The following PPP3CA variants were observed in gnomAD, a reference collection of about 807,000 sequenced individuals.
PPP3CA encodes protein phosphatase 3 catalytic subunit alpha.
PPP3CA carries 14 observed loss-of-function variants against 66.5 expected under a neutral mutation model. The observed-to-expected ratio is 0.21, with a 90% CI of 0.14 to 0.33. The LOEUF (loss-of-function observed/expected upper bound fraction) is 0.33, where lower values mean the gene tolerates loss of function less well. Among genes scored for constraint, PPP3CA ranks in the 10% least tolerant of loss-of-function variants. The probability of loss-of-function intolerance (pLI) is 1.00; values close to 1 mark genes in which losing one functional copy is unlikely to be tolerated. For missense variants in PPP3CA, 317 were observed against 639.5 expected, an observed-to-expected ratio of 0.50 and a Z score of 5.44; for synonymous variants, 232 against 226.2, an observed-to-expected ratio of 1.03 and a Z score of -0.23.
intron 8 of PPP3CA, among the ~76,000 whole-genome samples, chr4:101,074,782 A>G (rs1369782653): frequency 6.6e-6 from 1 of 152,206 alleles, no homozygotes; most frequent in African/African-American, 2.4e-5. Context: ...CTAATTTATG[A>G]GTCCAAAACA....
intron 1 of PPP3CA, among the ~76,000 whole-genome samples, chr4:101,322,741 C>T (rs1275722043): frequency 2.6e-5 from 4 of 152,096 alleles, no homozygotes; most frequent in Non-Finnish European, 5.9e-5. Flanking sequence ...AAGATGCAGC[C>T]TTTGCATCCT....
At chr4:101,067,018 G>T (rs926817585) in intron 8 of PPP3CA, among the ~76,000 whole-genome samples, 1 of 152,082 alleles carries the variant, frequency 6.6e-6, no homozygotes, top group South Asian at 2.1e-4. Context: ...ATGACCTCTT[G>T]TCACTTAACA....
chr4:101,263,509 T>C (rs897892537), intron 1 of PPP3CA, among the ~76,000 whole-genome samples: 6 of 152,184 alleles, frequency 3.9e-5, no homozygotes, highest in African/African-American at 1.4e-4. Context: ...AGACAAGGTG[T>C]GTTCCTTACT....
intron 2 of PPP3CA, among the ~76,000 whole-genome samples, chr4:101,142,064 A>G (rs1038934273): frequency 2.6e-5 from 4 of 152,220 alleles, no homozygotes; most frequent in South Asian, 2.1e-4. Flanking sequence ...AAAAAAAAAA[A>G]AAGAAGAAGT....
chr4:101,235,140 T>A (rs142218861), intron 1 of PPP3CA, among the ~76,000 whole-genome samples: 21 of 151,920 alleles, frequency 1.4e-4, no homozygotes, highest in African/African-American at 4.8e-4. Flanking sequence ...AGACAAGATA[T>A]ATCTGAATTT....
At chr4:101,186,725 A>G (rs1724421786) in intron 2 of PPP3CA, among the ~76,000 whole-genome samples, 1 of 152,174 alleles carries the variant, frequency 6.6e-6, no homozygotes, top group African/African-American at 2.4e-5. Flanking sequence ...AACTATCTGC[A>G]CACTCTGTCA....
intron 1 of PPP3CA, among the ~76,000 whole-genome samples, chr4:101,320,645 C>T (rs184043275): frequency 9.5e-4 from 144 of 152,152 alleles, no homozygotes; most frequent in Non-Finnish European, 1.7e-3. Flanking sequence ...AAAACCTTGC[C>T]TAAAACATGA....
intron 1 of PPP3CA, among the ~76,000 whole-genome samples, chr4:101,233,949 A>G (rs1256346876): frequency 2.0e-5 from 3 of 151,568 alleles, no homozygotes; most frequent in Non-Finnish European, 4.4e-5. Flanking sequence ...CTTTGTGTCC[A>G]TGTGTTTTCA....
chr4:101,342,094 T>G (rs1729836765), intron 1 of PPP3CA, among the ~76,000 whole-genome samples: 1 of 152,172 alleles, frequency 6.6e-6, no homozygotes, highest in South Asian at 2.1e-4. Context: ...TTCATCTCGC[T>G]AAAATTACAA....
At chr4:101,145,986 C>CA (rs1257148817) in intron 2 of PPP3CA, among the ~76,000 whole-genome samples, 1 of 152,012 alleles carries the variant, frequency 6.6e-6, no homozygotes, top group Non-Finnish European at 1.5e-5. Context: ...TTATTTAGTT[C>CA]AAAAAACCAT....
intron 1 of PPP3CA, among the ~76,000 whole-genome samples, chr4:101,312,264 G>A (rs1560712146): frequency 6.6e-6 from 1 of 151,832 alleles, no homozygotes; most frequent in Non-Finnish European, 1.5e-5. Context: ...CATTTTCATT[G>A]TAAGTACAGA....
At chr4:101,335,997 G>A (rs918772221) in intron 1 of PPP3CA, among the ~76,000 whole-genome samples, 2 of 152,026 alleles carry the variant, frequency 1.3e-5, no homozygotes, top group Non-Finnish European at 2.9e-5. Flanking sequence ...CTGAGGTCAG[G>A]AGTTCAAGAC....
chr4:101,057,920 T>C (rs566129459), intron 10 of PPP3CA, among the ~76,000 whole-genome samples: 1 of 152,280 alleles, frequency 6.6e-6, no homozygotes, highest in South Asian at 2.1e-4. Flanking sequence ...TCTTTTCTTT[T>C]CACCTCTCCT....
intron 1 of PPP3CA, among the ~76,000 whole-genome samples, chr4:101,261,562 CTT>C (rs936619788): frequency 6.6e-5 from 10 of 152,004 alleles, no homozygotes; most frequent in African/African-American, 2.2e-4. Flanking sequence ...ACAGTTAACT[CTT>C]TTCAGCAAAT....
chr4:101,258,945 G>C (rs944818678), intron 1 of PPP3CA, among the ~76,000 whole-genome samples: 3 of 152,128 alleles, frequency 2.0e-5, no homozygotes, highest in South Asian at 2.1e-4. Flanking sequence ...CCCAGAGTCA[G>C]AAGACCTGGT....
In PPP3CA at chr4:101,271,625, G is replaced by A. The variant is rs138065706; in HGVS notation, c.58+75114C>T. Reference sequence around the variant, plus strand: ...ATAAACTGCTTTGTAATTCTGTCCCGAATTTGTCTCTTTAAGGGAGGGAAG... The same window carrying A: ...ATAAACTGCTTTGTAATTCTGTCCCAAATTTGTCTCTTTAAGGGAGGGAAG... On this transcript the variant is annotated intron_variant, in intron 1 of 13. Coordinates refer to ENST00000394854, the MANE Select transcript of PPP3CA (RefSeq NM_000944.5). Among the ~76,000 whole-genome samples the A allele has an allele frequency of 4.6e-5, 7 of 152,236 alleles. No homozygotes were observed. In the East Asian group the frequency reaches 1.2e-3, roughly 25 times the overall value.
intron 2 of PPP3CA, among the ~76,000 whole-genome samples, chr4:101,178,147 T>C (rs995916762): frequency 1.3e-5 from 2 of 152,128 alleles, no homozygotes; most frequent in African/African-American, 4.8e-5. Context: ...GTTAGGTAAC[T>C]TGTGGGCAGG....
chr4:101,194,386 T>C (rs4699127), intron 2 of PPP3CA, among the ~76,000 whole-genome samples: 67,064 of 151,946 alleles, frequency 0.44, 17,626 homozygotes, highest in Middle Eastern at 0.64. Context: ...ATCACTAATA[T>C]ATATGAAATA....
intron 2 of PPP3CA, among the ~76,000 whole-genome samples, chr4:101,167,569 T>TA (rs1158541499): frequency 4.6e-5 from 7 of 151,800 alleles, no homozygotes; most frequent in African/African-American, 9.7e-5. Flanking sequence ...AACTAATAAA[T>TA]AAAAAAAACT....
Sources: gnomAD v4.1 joint callset for allele counts (sites outside exome capture counted in the v4.1 genomes callset) on GRCh38, gnomAD v4.1.1 for gene constraint, MANE v1.5 for transcripts, NCBI Gene and HGNC (gene_info 2026-07-23, HGNC 2026-07-21) for gene names.